Variants in MYO10 observed in about 807,000 individuals in gnomAD.
MYO10 encodes the protein myosin X, also known as unconventional myosin-X.
A neutral mutation model predicts 257.3 loss-of-function variants in MYO10; 133 were observed. The ratio of observed to expected loss-of-function variants is 0.52; its 90% CI spans 0.45 to 0.60. MYO10 has a LOEUF of 0.60. MYO10 is among the 20% of genes least tolerant of loss of function. The pLI, the probability that MYO10 is intolerant of heterozygous loss-of-function variation, is 0.00. For missense variants in MYO10, 2,399 were observed against 2,635.7 expected, an observed-to-expected ratio of 0.91 and a Z score of 1.97; for synonymous variants, 1,104 against 1,028.6, an observed-to-expected ratio of 1.07 and a Z score of -1.40.
chr5:16,792,110 TACACACAC>T (rs138106656), intron 4 of MYO10, among the ~76,000 whole-genome samples: 80 of 139,086 alleles, frequency 5.8e-4, no homozygotes, highest in African/African-American at 2.1e-3. Context: ...CACACATACA[TACACACAC>T]ACACACACAC....
chr5:16,925,712 TCA>T (rs1237406933), intron 1 of MYO10, among the ~76,000 whole-genome samples: 1 of 152,220 alleles, frequency 6.6e-6, no homozygotes, highest in Non-Finnish European at 1.5e-5. Context: ...GTGTCCGGCC[TCA>T]GTTTTCTTTA....
In MYO10 at chr5:16,700,368, A is replaced by C. The variant is rs367696433; in HGVS notation, c.3432+595T>G. Among the ~76,000 whole-genome samples, 445 of 152,208 alleles carry C rather than the reference A, an allele frequency of 2.9e-3. 3 individuals carry two copies. Among genetic ancestry groups the C allele is most frequent in the African/African-American group, 0.01 (434 of 41,524 alleles). ...AGGAAGAAATAAAATAAAATAAACA[A>C]AAGTTCCATTTAAAAAGCCAGTTTT... On this transcript the variant is annotated intron_variant, in intron 25 of 40. Transcript: ENST00000513610.
chr5:16,682,643 A>C (rs1323875516), intron 30 of MYO10, among the ~76,000 whole-genome samples: 1 of 152,088 alleles, frequency 6.6e-6, no homozygotes, highest in African/African-American at 2.4e-5. Context: ...CCTCTATCTA[A>C]CGGCTTAAGC....
rs748475144 is a variant in MYO10 at position 16,681,282 on chromosome 5, C to T, written c.4384+27G>A. 24 of 1,587,468 alleles carry T rather than the reference C, an allele frequency of 1.5e-5. No homozygotes were observed. In the South Asian group the frequency reaches 2.7e-4, roughly 18 times the overall value. On this transcript the variant is annotated intron_variant, in intron 32 of 40. Transcript: ENST00000513610. ...AGCCCAGACTTTAAGATTTGATGCT[C>T]AGGGTTCGGGCAGCCAGCCTGGTTA... is the stretch of plus-strand genomic sequence containing the variant.
rs113576279 is a variant in MYO10, at chr5:16,688,276, A to T, written c.3896+1548T>A. ...TGTTTTAGTTTGTTCCCATGGGAAGAATTATTTTCTGGTGTCTTTACCCTT... is the reference window on the plus strand; with the variant it reads ...TGTTTTAGTTTGTTCCCATGGGAAGTATTATTTTCTGGTGTCTTTACCCTT... On this transcript the variant is annotated intron_variant, in intron 28 of 40. Coordinates refer to ENST00000513610, the MANE Select transcript of MYO10 (RefSeq NM_012334.3). 7.8e-3 allele frequency among the ~76,000 whole-genome samples: 1,188 copies of T among 152,272 alleles called. 13 individuals carry two copies. Among genetic ancestry groups the T allele is most frequent in the African/African-American group, 0.027 (1,124 of 41,552 alleles).
At chr5:16,826,727 G>C (rs1743012959) in intron 2 of MYO10, among the ~76,000 whole-genome samples, 1 of 152,144 alleles carries the variant, frequency 6.6e-6, no homozygotes, top group Admixed American at 6.5e-5. Flanking sequence ...GGCTGGCCTC[G>C]TTTAGATTTT....
chr5:16,705,009 T>A (rs1738264217), intron 21 of MYO10, among the ~76,000 whole-genome samples: 1 of 152,120 alleles, frequency 6.6e-6, no homozygotes, highest in African/African-American at 2.4e-5. Context: ...ACTTAACACA[T>A]CATGGGCTGG....
chr5:16,845,662 C>T (rs1301035174), intron 2 of MYO10, among the ~76,000 whole-genome samples: 1 of 152,016 alleles, frequency 6.6e-6, no homozygotes, highest in African/African-American at 2.4e-5. Context: ...AAAAACAAAA[C>T]ACATCTTTAA....
At chr5:16,846,066 T>C (rs980432346) in intron 2 of MYO10, among the ~76,000 whole-genome samples, 1 of 152,176 alleles carries the variant, frequency 6.6e-6, no homozygotes, top group Non-Finnish European at 1.5e-5. Context: ...AATTCCCAGA[T>C]GCTCAAATCC....
chr5:16,781,034 TA>T (rs1398106021), intron 6 of MYO10, among the ~76,000 whole-genome samples: 1 of 152,194 alleles, frequency 6.6e-6, no homozygotes, highest in African/African-American at 2.4e-5. Context: ...TTATGGAAAT[TA>T]TATCAGAGAT....
intron 2 of MYO10, among the ~76,000 whole-genome samples, chr5:16,830,741 A>G (rs1009678656): frequency 4.0e-5 from 6 of 151,396 alleles, no homozygotes; most frequent in Non-Finnish European, 8.8e-5. Flanking sequence ...AAAAACTTAC[A>G]TTTGCAAAAA....
At chr5:16,785,966 G>T (rs1741567637) in intron 4 of MYO10, among the ~76,000 whole-genome samples, 1 of 152,028 alleles carries the variant, frequency 6.6e-6, no homozygotes, top group Non-Finnish European at 1.5e-5. Context: ...GAGCCATGGG[G>T]CTATCAGCCA....
intron 18 of MYO10, among the ~76,000 whole-genome samples, chr5:16,756,993 C>T (rs1165568857): frequency 6.6e-6 from 1 of 151,676 alleles, no homozygotes. Flanking sequence ...ATGGCGCATG[C>T]CTCTAGTCCC....
At chr5:16,792,344 G>C (rs1472031986) in intron 4 of MYO10, among the ~76,000 whole-genome samples, 1 of 152,140 alleles carries the variant, frequency 6.6e-6, no homozygotes, top group Admixed American at 6.5e-5. Context: ...TCATCATAGA[G>C]CACCCAAATC....
intron 1 of MYO10, among the ~76,000 whole-genome samples, chr5:16,892,600 G>A (rs892719116): frequency 2.6e-5 from 4 of 152,224 alleles, no homozygotes; most frequent in African/African-American, 7.2e-5. Context: ...CCAAGACTGC[G>A]CCACTGCACT....
intron 1 of MYO10, chr5:16,902,771 G>A (rs760084752): frequency 1.3e-4 from 84 of 640,142 alleles, no homozygotes; most frequent in Non-Finnish European, 2.2e-4. Context: ...CAAAGTGCCG[G>A]GATTACAGGC....
chr5:16,834,386 A>G (rs1743251277), intron 2 of MYO10, among the ~76,000 whole-genome samples: 1 of 152,154 alleles, frequency 6.6e-6, no homozygotes. Context: ...GATGGGAAGG[A>G]GGGCAAGAGC....
At chr5:16,705,451 G>A (rs901143617) in intron 21 of MYO10, among the ~76,000 whole-genome samples, 1 of 152,180 alleles carries the variant, frequency 6.6e-6, no homozygotes, top group Non-Finnish European at 1.5e-5. Flanking sequence ...CCTAGTTTTT[G>A]AAAAGATATG....
chr5:16,733,638 G>T (rs536305910), intron 19 of MYO10, among the ~76,000 whole-genome samples: 41 of 152,232 alleles, frequency 2.7e-4, no homozygotes, highest in Admixed American at 4.6e-4. Context: ...GTATTAAAGT[G>T]GTTGCCTGAA....
Sources: gnomAD v4.1 joint callset for allele counts (sites outside exome capture counted in the v4.1 genomes callset) on GRCh38, gnomAD v4.1.1 for gene constraint, MANE v1.5 for transcripts, NCBI Gene and HGNC (gene_info 2026-07-23, HGNC 2026-07-21) for gene names.